Variants in SLC4A4 observed in about 807,000 individuals in gnomAD.
SLC4A4 encodes the protein electrogenic sodium bicarbonate cotransporter 1.
A neutral mutation model predicts 111.5 loss-of-function variants in SLC4A4; 27 were observed. That is an observed-to-expected ratio of 0.24 (90% CI 0.18 to 0.33). The LOEUF is 0.33. Among genes scored for constraint, SLC4A4 ranks in the 10% least tolerant of loss-of-function variants. The probability of loss-of-function intolerance (pLI) is 1.00; values close to 1 mark genes in which losing one functional copy is unlikely to be tolerated. For missense variants in SLC4A4, 909 were observed against 1,315.5 expected, an observed-to-expected ratio of 0.69 and a Z score of 4.78; for synonymous variants, 443 against 463.4, an observed-to-expected ratio of 0.96 and a Z score of 0.57.
chr4:71,069,678 C>T (rs1741616548), intron 1 of SLC4A4, among the ~76,000 whole-genome samples: 1 of 152,150 alleles, frequency 6.6e-6, no homozygotes, highest in African/African-American at 2.4e-5. Context: ...ATCTCCAAGT[C>T]ACTTTATCCT....
At chr4:71,263,949 A>T (rs1722054178) in intron 3 of SLC4A4, among the ~76,000 whole-genome samples, 1 of 152,172 alleles carries the variant, frequency 6.6e-6, no homozygotes, top group Admixed American at 6.5e-5. Context: ...TTTGCTTATG[A>T]TTATTTATTT....
At chr4:71,229,646 C>T (rs1393605192) in intron 1 of SLC4A4, among the ~76,000 whole-genome samples, 20 of 152,154 alleles carry the variant, frequency 1.3e-4, no homozygotes, top group Admixed American at 1.2e-3. Context: ...GGCTGATCTC[C>T]GGGAGTCATC....
intron 2 of SLC4A4, among the ~76,000 whole-genome samples, chr4:71,142,679 G>T (rs971804636): frequency 9.9e-5 from 15 of 151,766 alleles, no homozygotes; most frequent in African/African-American, 3.4e-4. Context: ...GTTGTTCTTG[G>T]AGATGCTATC....
chr4:71,160,922 G>A (rs1303797204), intron 2 of SLC4A4, among the ~76,000 whole-genome samples: 1 of 152,218 alleles, frequency 6.6e-6, no homozygotes, highest in African/African-American at 2.4e-5. Context: ...AGATCTACGT[G>A]TTGGAGAAGT....
intron 2 of SLC4A4, among the ~76,000 whole-genome samples, chr4:71,126,426 T>C (rs546195741): frequency 3.9e-5 from 6 of 152,322 alleles, no homozygotes; most frequent in Admixed American, 2.6e-4. Context: ...TGCTATTTGG[T>C]GGCAATTTTG....
upstream of SLC4A4, among the ~76,000 whole-genome samples, chr4:71,183,778 C>G (rs572568109): frequency 8.5e-5 from 13 of 152,296 alleles, no homozygotes; most frequent in South Asian, 2.7e-3. Flanking sequence ...TTCTGTGTAG[C>G]AACATGTTGG....
intron 18 of SLC4A4, among the ~76,000 whole-genome samples, chr4:71,540,877 G>A (rs141255457): frequency 2.6e-5 from 4 of 152,294 alleles, no homozygotes; most frequent in African/African-American, 9.6e-5. Flanking sequence ...CATATAGTAG[G>A]CCAGTGTGAC....
At chr4:71,251,764 T>C (rs1436475955) in intron 2 of SLC4A4, among the ~76,000 whole-genome samples, 1 of 152,240 alleles carries the variant, frequency 6.6e-6, no homozygotes, top group Non-Finnish European at 1.5e-5. Context: ...TCATACATTA[T>C]AGCTCTTAAA....
chr4:71,389,552 A>G (rs145544209), intron 6 of SLC4A4, among the ~76,000 whole-genome samples: 5 of 152,182 alleles, frequency 3.3e-5, no homozygotes, highest in East Asian at 3.9e-4. Context: ...CCTCTGCTCA[A>G]CGACAGGCTT....
chr4:71,557,050 T>A (rs1021108112), intron 21 of SLC4A4, among the ~76,000 whole-genome samples: 4 of 151,922 alleles, frequency 2.6e-5, no homozygotes, highest in Non-Finnish European at 5.9e-5. Flanking sequence ...CAATAGCTGT[T>A]TATACATCAC....
intron 12 of SLC4A4, among the ~76,000 whole-genome samples, chr4:71,462,177 T>C (rs570570698): frequency 1.3e-5 from 2 of 152,322 alleles, no homozygotes; most frequent in African/African-American, 4.8e-5. Flanking sequence ...ATTGTATCTC[T>C]GCTTTATATG....
chr4:71,208,443 AAT>A (rs1553962713), intron 1 of SLC4A4, among the ~76,000 whole-genome samples: 47 of 144,766 alleles, frequency 3.2e-4, no homozygotes, highest in South Asian at 6.5e-4. Flanking sequence ...AAAAAAAAAA[AAT>A]ATATATATAT....
chr4:71,553,898 G>A (rs1484599849), intron 20 of SLC4A4, among the ~76,000 whole-genome samples: 1 of 151,734 alleles, frequency 6.6e-6, no homozygotes, highest in East Asian at 1.9e-4. Context: ...AGTTTTTTCT[G>A]ACATCAAGAG....
At chr4:71,146,599 C>T (rs1312971052) in intron 2 of SLC4A4, among the ~76,000 whole-genome samples, 1 of 152,104 alleles carries the variant, frequency 6.6e-6, no homozygotes, top group African/African-American at 2.4e-5. Context: ...CTTTGAAGGT[C>T]ACTAAGGACT....
At chr4:71,179,821 T>C (rs529355330) in intron 2 of SLC4A4, among the ~76,000 whole-genome samples, 1 of 152,116 alleles carries the variant, frequency 6.6e-6, no homozygotes, top group Admixed American at 6.5e-5. Flanking sequence ...AAGCTACCAA[T>C]GACTTTCTTC....
chr4:71,065,548 G>A (rs112150705), intron 1 of SLC4A4, among the ~76,000 whole-genome samples: 2 of 152,164 alleles, frequency 1.3e-5, no homozygotes, highest in African/African-American at 4.8e-5. Flanking sequence ...GATATAAATC[G>A]ACAGGAAAAG....
chr4:71,093,871 AG>A (rs1454802590), intron 2 of SLC4A4, among the ~76,000 whole-genome samples: 6 of 152,214 alleles, frequency 3.9e-5, no homozygotes, highest in African/African-American at 1.4e-4. Context: ...ACTGGAGAGA[AG>A]TAATGAGACA....
chr4:71,138,488 T>G (rs536084040), intron 2 of SLC4A4, among the ~76,000 whole-genome samples: 1 of 152,310 alleles, frequency 6.6e-6, no homozygotes, highest in South Asian at 2.1e-4. Context: ...CTGTCCTTCT[T>G]TTAGGGAAAT....
intron 16 of SLC4A4, among the ~76,000 whole-genome samples, chr4:71,519,808 A>AT (rs939695924): frequency 5.3e-5 from 8 of 151,740 alleles, no homozygotes; most frequent in African/African-American, 1.9e-4. Context: ...CATATTTTGT[A>AT]TTTTTTTGTT....
Sources: gnomAD v4.1 joint callset for allele counts (sites outside exome capture counted in the v4.1 genomes callset) on GRCh38, gnomAD v4.1.1 for gene constraint, MANE v1.5 for transcripts, NCBI Gene and HGNC (gene_info 2026-07-23, HGNC 2026-07-21) for gene names.